The following ABCC6 variants were observed in gnomAD, a reference collection of about 807,000 sequenced individuals.
The protein encoded by ABCC6 is ATP binding cassette subfamily C member 6.
In ABCC6, 126 loss-of-function variants were observed where a neutral mutation model predicts 169.5. That is an observed-to-expected ratio of 0.74 (90% CI 0.64 to 0.86). The LOEUF (loss-of-function observed/expected upper bound fraction) is 0.86. Among genes scored for constraint, ABCC6 ranks in the 40% least tolerant of loss-of-function variants. The pLI, the probability that ABCC6 is intolerant of heterozygous loss-of-function variation, is 0.00. For synonymous variants in ABCC6, 752 were observed against 814.7 expected, an observed-to-expected ratio of 0.92 and a Z score of 1.31; for missense variants, 1,733 against 1,927.2, an observed-to-expected ratio of 0.90 and a Z score of 1.89.
intron 29 of ABCC6, among the ~76,000 whole-genome samples, chr16:16,153,651 G>A (rs551989194): frequency 2.2e-4 from 33 of 152,184 alleles, no homozygotes; most frequent in African/African-American, 6.5e-4. Context: ...TGGGCCCGGC[G>A]TGGCTGCTCA....
Position 16,154,879 on chromosome 16 carries a change from G to A in ABCC6, c.4035C>T (p.Ile1345=). 1 of 1,612,756 alleles carries A rather than the reference G, an allele frequency of 6.2e-7. No individual in the cohort carries two copies. Among genetic ancestry groups the A allele is most frequent in the Non-Finnish European group, 8.5e-7 (1 of 1,179,506 alleles). The change falls in exon 28 of 31, where the codon ATC becomes ATT. Residue 1345 remains isoleucine (I), a synonymous_variant. Transcript: ENST00000205557. ...LHTLRSRISI[I]PQDPILFPGS... is the part of the protein sequence containing the mutation. ...CCCCCTCCACCAGCCTCACCTGGGG[G>A]ATGATGCTGATCCTGGAGCGCAGTG...
At chr16:16,202,608 A>T (rs1762427612) in intron 8 of ABCC6, among the ~76,000 whole-genome samples, 1 of 151,886 alleles carries the variant, frequency 6.6e-6, no homozygotes, top group Non-Finnish European at 1.5e-5. Context: ...ACACACAAGG[A>T]GACACCAGGG....
chr16:16,191,064 C>T (rs933968216), intron 11 of ABCC6, among the ~76,000 whole-genome samples: 3 of 81,566 alleles, frequency 3.7e-5, no homozygotes, highest in African/African-American at 9.0e-5. Flanking sequence ...AATTCAGGGT[C>T]TCCTGTGCTT....
At chr16:16,158,707 A>T (rs562142783) in intron 26 of ABCC6, among the ~76,000 whole-genome samples, 1 of 151,996 alleles carries the variant, frequency 6.6e-6, no homozygotes, top group Non-Finnish European at 1.5e-5. Context: ...ATGTTACTAT[A>T]ATGTTGCTGT....
intron 29 of ABCC6, among the ~76,000 whole-genome samples, chr16:16,151,599 G>A (rs951267825): frequency 6.6e-6 from 1 of 152,160 alleles, no homozygotes; most frequent in African/African-American, 2.4e-5. Flanking sequence ...GATTCCAGGC[G>A]TGATCCACCG....
At chr16:16,209,877 T>A (rs574713769) in intron 6 of ABCC6, among the ~76,000 whole-genome samples, 23 of 152,220 alleles carry the variant, frequency 1.5e-4, no homozygotes, top group Non-Finnish European at 3.1e-4. Context: ...ACTACAGGCG[T>A]AAGCCACCAC....
chr16:16,159,730 C>T, intron 25 of ABCC6, 147 bp from the exon 26 acceptor site: 1 of 724,126 alleles, frequency 1.4e-6, no homozygotes. Flanking sequence ...AGGACCTGGG[C>T]CCAGGGGATT....
intron 19 of ABCC6, among the ~76,000 whole-genome samples, chr16:16,176,847 G>A (rs559399543): frequency 6.6e-6 from 1 of 152,338 alleles, no homozygotes; most frequent in African/African-American, 2.4e-5. Context: ...AATGATTCTA[G>A]TACCAGCCTC....
intron 23 of ABCC6, among the ~76,000 whole-genome samples, chr16:16,164,931 C>T (rs1008435010): frequency 6.6e-6 from 1 of 152,198 alleles, no homozygotes; most frequent in African/African-American, 2.4e-5. Flanking sequence ...GAAATATAAG[C>T]CATTAAATTC....
At chr16:16,156,467 G>A (rs1238457904) in intron 27 of ABCC6, among the ~76,000 whole-genome samples, 1 of 152,214 alleles carries the variant, frequency 6.6e-6, no homozygotes, top group Non-Finnish European at 1.5e-5. Flanking sequence ...TGGCCGAGAG[G>A]CAGCTGCTCC....
chr16:16,178,181 G>C lies in ABCC6; in HGVS notation c.2416-555C>G, dbSNP rs1425886764. Among the ~76,000 whole-genome samples, 5 of 151,994 alleles carry C rather than the reference G, an allele frequency of 3.3e-5. No homozygotes were observed. In the East Asian group the frequency reaches 9.7e-4, roughly 29 times the overall value. Reference sequence around the variant, plus strand: ...TCTCTACTAAAAATACAAAAAATTAGCTGGGCGTGGTGGCGGGCACCTGTA... The same window carrying C: ...TCTCTACTAAAAATACAAAAAATTACCTGGGCGTGGTGGCGGGCACCTGTA... On this transcript the variant is annotated intron_variant, in intron 18 of 30. Coordinates refer to ENST00000205557, the MANE Select transcript of ABCC6 (RefSeq NM_001171.6).
At chr16:16,204,043 CTTTTCTT>C (rs2048322720) in intron 7 of ABCC6, among the ~76,000 whole-genome samples, 1 of 151,820 alleles carries the variant, frequency 6.6e-6, no homozygotes, top group African/African-American at 2.4e-5. Context: ...AGCCCATGCA[CTTTTCTT>C]TTTTCTTTTC....
chr16:16,192,192 C>T (rs2047884590), intron 11 of ABCC6, among the ~76,000 whole-genome samples: 1 of 152,008 alleles, frequency 6.6e-6, no homozygotes, highest in African/African-American at 2.4e-5. Flanking sequence ...AAAGCGAAGG[C>T]CTGCAGGGAT....
intron 18 of ABCC6, among the ~76,000 whole-genome samples, chr16:16,178,387 G>C (rs1165430762): frequency 6.6e-6 from 1 of 152,104 alleles, no homozygotes; most frequent in African/African-American, 2.4e-5. Context: ...CTGAGCTGGG[G>C]GTTGGGGTGG....
intron 13 of ABCC6, 147 bp from the exon 14 acceptor site, chr16:16,187,358 G>A: frequency 1.4e-6 from 1 of 718,342 alleles, no homozygotes; most frequent in Non-Finnish European, 2.5e-6. Context: ...TCTAGTTCAT[G>A]GGAAACGATG....
At chr16:16,187,896 CAATAAATAAATTAAATA>C (rs1182510533) in intron 13 of ABCC6, among the ~76,000 whole-genome samples, 1 of 107,836 alleles carries the variant, frequency 9.3e-6, no homozygotes, top group Non-Finnish European at 2.1e-5. Flanking sequence ...GACACTGTCT[CAATAAATAAATTAAATA>C]AATAAATAAA....
intron 22 of ABCC6, among the ~76,000 whole-genome samples, chr16:16,169,402 C>T (rs773731811): frequency 4.6e-4 from 70 of 152,286 alleles, no homozygotes; most frequent in African/African-American, 1.5e-3. Context: ...GCCTTGCAGA[C>T]GCCTTCCGCT....
intron 7 of ABCC6, among the ~76,000 whole-genome samples, 183 bp from the exon 8 acceptor site, chr16:16,203,796 T>G (rs2048316261): frequency 6.6e-6 from 1 of 151,780 alleles, no homozygotes; most frequent in African/African-American, 2.4e-5. Context: ...ATCATGGGAG[T>G]TGGGGGGCAG....
At position 16,182,836 on chromosome 16, in the gene ABCC6, G is replaced by T. The variant is rs746608585; in HGVS notation, c.2038C>A (p.Leu680Met). The change falls in exon 16 of 31, where the codon CTG (leucine) becomes ATG (methionine). Residue 680 changes from leucine (L) to methionine (M), a missense_variant. Around this residue, in one of 5 missense-constraint regions of ABCC6, gnomAD observed 1,601 missense variants for 1,635.5 expected, o/e 0.98. Transcript: ENST00000205557. ...SSLLSALLGE[L>M]SKVEGFVSIE... Reference sequence around the variant, plus strand: ...CTCACGAACCCCTCCACCTTTGACAGCTCCCCAAGGAGGGCGGACAGCAGG... The same window carrying T: ...CTCACGAACCCCTCCACCTTTGACATCTCCCCAAGGAGGGCGGACAGCAGG... 2 of 1,614,074 alleles carry T rather than the reference G, an allele frequency of 1.2e-6. No homozygotes were observed. Among genetic ancestry groups the T allele is most frequent in the Admixed American group, 3.3e-5 (2 of 60,018 alleles).
Sources: gnomAD v4.1 joint callset for allele counts (sites outside exome capture counted in the v4.1 genomes callset) on GRCh38, gnomAD v4.1.1 for gene constraint, gnomAD v4.1.1 regional missense constraint, MANE v1.5 for transcripts, NCBI Gene and HGNC (gene_info 2026-07-23, HGNC 2026-07-21) for gene names.